Variants in FSTL5 observed in about 807,000 individuals in gnomAD.
FSTL5 encodes the protein follistatin like 5.
A neutral mutation model predicts 89.1 loss-of-function variants in FSTL5; 62 were observed. The observed-to-expected ratio is 0.70, with a 90% CI of 0.57 to 0.86. The LOEUF (loss-of-function observed/expected upper bound fraction) is 0.86. Among genes scored for constraint, FSTL5 ranks in the 40% least tolerant of loss-of-function variants. The probability of loss-of-function intolerance (pLI) is 0.00; values close to 1 mark genes in which losing one functional copy is unlikely to be tolerated. For missense variants in FSTL5, 1,057 were observed against 1,001.6 expected, an observed-to-expected ratio of 1.06 and a Z score of -0.75; for synonymous variants, 383 against 346.2, an observed-to-expected ratio of 1.11 and a Z score of -1.18.
rs923588666 is a variant in FSTL5, at chr4:161,779,605, A to T, written c.410-3531T>A. 5.9e-5 allele frequency among the ~76,000 whole-genome samples: 9 copies of T among 151,540 alleles called. No homozygotes were observed. The East Asian group carries it at 1.6e-3, about 26-fold the overall frequency. On this transcript the variant is annotated intron_variant, in intron 4 of 15. Transcript: ENST00000306100. ...AAGGTTATAGAACTAGGAAGGGCAG[A>T]ATTATTTTTACATATGTGCCATATC...
intron 2 of FSTL5, among the ~76,000 whole-genome samples, chr4:162,058,673 T>C (rs1738631936): frequency 6.6e-6 from 1 of 151,922 alleles, no homozygotes; most frequent in Non-Finnish European, 1.5e-5. Context: ...AAGTGATATG[T>C]CTGCCTCGGC....
chr4:161,606,264 T>TTTTTA (rs1734436024), intron 7 of FSTL5, among the ~76,000 whole-genome samples: 1 of 138,618 alleles, frequency 7.2e-6, no homozygotes, highest in Non-Finnish European at 1.5e-5. Flanking sequence ...TTTTTTTTTT[T>TTTTTA]GACGGAGTCT....
At chr4:161,629,636 C>T (rs1267851197) in intron 7 of FSTL5, among the ~76,000 whole-genome samples, 2 of 152,074 alleles carry the variant, frequency 1.3e-5, no homozygotes, top group South Asian at 2.1e-4. Context: ...TGAGCCACCG[C>T]GCCCGGCCCA....
At chr4:161,562,247 T>C (rs2126572382) in intron 8 of FSTL5, among the ~76,000 whole-genome samples, 1 of 152,138 alleles carries the variant, frequency 6.6e-6, no homozygotes, top group East Asian at 1.9e-4. Flanking sequence ...GTAGGAAGTT[T>C]TGAAATTGGG....
At chr4:161,611,241 T>C (rs906028165) in intron 7 of FSTL5, among the ~76,000 whole-genome samples, 4 of 49,910 alleles carry the variant, frequency 8.0e-5, no homozygotes, top group East Asian at 9.3e-4. Context: ...CATATATATA[T>C]ATATATATAT....
chr4:162,041,602 GCTT>G (rs1301631179), intron 2 of FSTL5, among the ~76,000 whole-genome samples: 3 of 151,932 alleles, frequency 2.0e-5, no homozygotes, highest in East Asian at 1.9e-4. Context: ...AATTGTAGTT[GCTT>G]CTTATTGTAT....
intron 15 of FSTL5, among the ~76,000 whole-genome samples, chr4:161,422,341 C>T (rs1034880639): frequency 1.9e-4 from 29 of 152,202 alleles, no homozygotes; most frequent in Non-Finnish European, 2.9e-4. Context: ...AAAAAAATGT[C>T]TTTCGATGTA....
At chr4:161,998,434 C>G (rs1337660827) in intron 3 of FSTL5, among the ~76,000 whole-genome samples, 1 of 152,088 alleles carries the variant, frequency 6.6e-6, no homozygotes, top group African/African-American at 2.4e-5. Flanking sequence ...ACACTGGGAC[C>G]TGATCACATT....
rs148412038 is a variant in FSTL5, at chr4:161,700,306, G to T, written c.728-43812C>A. 1.1e-4 allele frequency among the ~76,000 whole-genome samples: 16 copies of T among 152,084 alleles called. No homozygotes were observed. In the East Asian group the frequency reaches 3.1e-3, roughly 29 times the overall value. Reference sequence around the variant, plus strand: ...TGCTGAAGCCATAATTCAATTCCAGGTAGTCCAATTCCTGAGTTTGTGCTC... The same window carrying T: ...TGCTGAAGCCATAATTCAATTCCAGTTAGTCCAATTCCTGAGTTTGTGCTC... On this transcript the variant is annotated intron_variant, in intron 6 of 15. Transcript: ENST00000306100.
chr4:161,600,995 T>A (rs959945352), intron 7 of FSTL5, among the ~76,000 whole-genome samples: 14 of 152,004 alleles, frequency 9.2e-5, no homozygotes, highest in African/African-American at 3.1e-4. Context: ...TCACCTACAC[T>A]AGGGCATTGG....
At chr4:162,062,211 A>G (rs1339346558) in intron 2 of FSTL5, among the ~76,000 whole-genome samples, 3 of 151,986 alleles carry the variant, frequency 2.0e-5, no homozygotes, top group Admixed American at 6.6e-5. Context: ...TAATAAAATA[A>G]AAACCAAGTT....
chr4:161,387,402 G>A (rs971356897), intron 15 of FSTL5: 1 of 151,898 alleles, frequency 6.6e-6, no homozygotes, highest in Admixed American at 6.6e-5. Context: ...GTGTTCATAA[G>A]TAATACAATG....
At chr4:161,428,874 C>T (rs7666327) in intron 15 of FSTL5, among the ~76,000 whole-genome samples, 7,210 of 152,104 alleles carry the variant, frequency 0.047, 440 homozygotes, top group East Asian at 0.19. Flanking sequence ...CTTAGTTTTG[C>T]TGCTTGGGGA....
At chr4:161,928,051 G>A (rs1223239986) in intron 3 of FSTL5, among the ~76,000 whole-genome samples, 2 of 151,722 alleles carry the variant, frequency 1.3e-5, no homozygotes, top group Admixed American at 1.3e-4. Flanking sequence ...ATGAGCTCAA[G>A]TCAATCCCTC....
At chr4:162,067,432 C>T in intron 2 of FSTL5, among the ~76,000 whole-genome samples, 1 of 151,986 alleles carries the variant, frequency 6.6e-6, no homozygotes, top group South Asian at 2.1e-4. Context: ...GTGAATTATG[C>T]TGCAATAAAC....
intron 6 of FSTL5, among the ~76,000 whole-genome samples, chr4:161,666,792 T>C (rs900538002): frequency 6.6e-6 from 1 of 152,038 alleles, no homozygotes; most frequent in Non-Finnish European, 1.5e-5. Context: ...TAATTATTTC[T>C]GCCAAAAGTT....
intron 3 of FSTL5, among the ~76,000 whole-genome samples, chr4:161,926,933 T>C (rs1560920915): frequency 6.6e-6 from 1 of 151,820 alleles, no homozygotes; most frequent in Non-Finnish European, 1.5e-5. Flanking sequence ...ACATTATAAA[T>C]AGATTGGTAG....
chr4:162,104,415 A>G (rs576217342), intron 2 of FSTL5, among the ~76,000 whole-genome samples: 35 of 152,302 alleles, frequency 2.3e-4, no homozygotes, highest in Middle Eastern at 3.4e-3. Flanking sequence ...TCCGGCTACC[A>G]TCTTGGAAGC....
intron 13 of FSTL5, among the ~76,000 whole-genome samples, chr4:161,468,402 G>A (rs1733820186): frequency 1.3e-5 from 2 of 152,066 alleles, no homozygotes. Context: ...GTCTTTGATA[G>A]TAGGATATCT....
Sources: gnomAD v4.1 joint callset for allele counts (sites outside exome capture counted in the v4.1 genomes callset) on GRCh38, gnomAD v4.1.1 for gene constraint, MANE v1.5 for transcripts, NCBI Gene and HGNC (gene_info 2026-07-23, HGNC 2026-07-21) for gene names.